Variants in ZFPM2 observed in about 807,000 individuals in gnomAD.
ZFPM2 encodes zinc finger protein ZFPM2.
ZFPM2 carries 20 observed loss-of-function variants against 98.6 expected under a neutral mutation model. That is an observed-to-expected ratio of 0.20 (90% CI 0.14 to 0.29). The LOEUF (loss-of-function observed/expected upper bound fraction) is 0.29. Among genes scored for constraint, ZFPM2 ranks in the 10% least tolerant of loss-of-function variants. The pLI is 1.00. For synonymous variants in ZFPM2, 518 were observed against 502.7 expected, an observed-to-expected ratio of 1.03 and a Z score of -0.41; for missense variants, 1,310 against 1,388.6, an observed-to-expected ratio of 0.94 and a Z score of 0.90.
At chr8:105,355,677 A>G (rs559194867) in intron 1 of ZFPM2, among the ~76,000 whole-genome samples, 10 of 152,298 alleles carry the variant, frequency 6.6e-5, no homozygotes, top group Non-Finnish European at 1.5e-4. Context: ...GGAAATGACA[A>G]GAGATTGCTC....
intron 3 of ZFPM2, among the ~76,000 whole-genome samples, chr8:105,457,417 C>T (rs1812613679): frequency 1.3e-5 from 2 of 152,178 alleles, no homozygotes; most frequent in African/African-American, 4.8e-5. Flanking sequence ...TGAAGAAGAA[C>T]TATGCAGTAG....
At chr8:105,656,181 C>G (rs1817281938) in intron 5 of ZFPM2, among the ~76,000 whole-genome samples, 1 of 151,980 alleles carries the variant, frequency 6.6e-6, no homozygotes, top group Non-Finnish European at 1.5e-5. Flanking sequence ...ATACACATAT[C>G]CCTCTTTGCC....
At chr8:105,390,089 T>C (rs2129927638) in intron 1 of ZFPM2, among the ~76,000 whole-genome samples, 1 of 152,300 alleles carries the variant, frequency 6.6e-6, no homozygotes, top group African/African-American at 2.4e-5. Flanking sequence ...CCTAAAGTAC[T>C]GTAATGTAAT....
chr8:105,799,096 T>G, intron 7 of ZFPM2, 148 bp downstream of exon 7: 1 of 693,520 alleles, frequency 1.4e-6, no homozygotes. Flanking sequence ...CAGTGTGATC[T>G]TATGCCACTT....
intron 3 of ZFPM2, among the ~76,000 whole-genome samples, chr8:105,472,181 A>G (rs1812917723): frequency 1.3e-5 from 2 of 152,198 alleles, no homozygotes; most frequent in Admixed American, 1.3e-4. Context: ...GCTTTCAAAG[A>G]ATCAAACTAA....
intron 3 of ZFPM2, among the ~76,000 whole-genome samples, chr8:105,499,400 G>T (rs899661195): frequency 1.3e-5 from 2 of 152,108 alleles, no homozygotes; most frequent in Non-Finnish European, 2.9e-5. Flanking sequence ...TGGAATGACT[G>T]ATAGTCACAT....
intron 5 of ZFPM2, among the ~76,000 whole-genome samples, chr8:105,717,718 T>TA (rs779391245): frequency 3.3e-5 from 5 of 151,924 alleles, no homozygotes; most frequent in Non-Finnish European, 7.4e-5. Flanking sequence ...GGAGCATAAT[T>TA]AAAAATATTA....
intron 2 of ZFPM2, among the ~76,000 whole-genome samples, chr8:105,442,177 CAA>C (rs34122458): frequency 1.9e-3 from 250 of 131,368 alleles, no homozygotes; most frequent in African/African-American, 6.1e-3. Context: ...ACTAAAAATA[CAA>C]AAAAAAAAAA....
At chr8:105,500,210 T>C (rs1813562625) in intron 3 of ZFPM2, among the ~76,000 whole-genome samples, 1 of 152,336 alleles carries the variant, frequency 6.6e-6, no homozygotes, top group East Asian at 1.9e-4. Flanking sequence ...TTGAACCCAA[T>C]ACATAGCATA....
At chr8:105,669,106 A>G (rs1334379355) in intron 5 of ZFPM2, among the ~76,000 whole-genome samples, 4 of 152,094 alleles carry the variant, frequency 2.6e-5, no homozygotes, top group Non-Finnish European at 5.9e-5. Flanking sequence ...GTTAGTATAT[A>G]TCTTATTCTT....
At chr8:105,622,290 C>T (rs116350669) in intron 4 of ZFPM2, among the ~76,000 whole-genome samples, 234 of 152,086 alleles carry the variant, frequency 1.5e-3, no homozygotes, top group African/African-American at 5.2e-3. Context: ...TTCCAACATA[C>T]GCATTGATGC....
chr8:105,479,412 G>A (rs1239125212), intron 3 of ZFPM2, among the ~76,000 whole-genome samples: 1 of 152,016 alleles, frequency 6.6e-6, no homozygotes, highest in East Asian at 1.9e-4. Flanking sequence ...TTTTTAAAAA[G>A]TCATGTTACT....
At position 105,419,238 on chromosome 8, in the gene ZFPM2, C is replaced by G. The variant is rs750797515; in HGVS notation, c.135C>G (p.Ser45Arg). 4 of 1,613,564 alleles carry G rather than the reference C, an allele frequency of 2.5e-6. No homozygotes were observed. Among genetic ancestry groups the G allele is most frequent in the Admixed American group, 3.3e-5 (2 of 59,994 alleles). ...AAGGAGACTTTCCATTGGAGGAAAG[C>G]TTTTCCACAGAATTTGGGCCTGAAA... Reference protein sequence around the residue: ...ISKGDFPLEESFSTEFGPENL... With the variant: ...ISKGDFPLEERFSTEFGPENL... Residue 45 changes from serine to arginine, a missense_variant, in exon 2 of 8, where the codon AGC becomes AGG. Physicochemically the swap from Ser to Arg is moderately radical, Grantham distance 110. Coordinates refer to ENST00000407775, the MANE Select transcript of ZFPM2 (RefSeq NM_012082.4).
chr8:105,570,509 G>A (rs1289157736), intron 4 of ZFPM2, among the ~76,000 whole-genome samples: 2 of 152,152 alleles, frequency 1.3e-5, no homozygotes, highest in Non-Finnish European at 2.9e-5. Flanking sequence ...GAAGGGATTT[G>A]CTGTGTTATA....
chr8:105,609,518 T>A (rs1816262648), intron 4 of ZFPM2, among the ~76,000 whole-genome samples: 1 of 152,182 alleles, frequency 6.6e-6, no homozygotes, highest in Non-Finnish European at 1.5e-5. Flanking sequence ...TTATACAAGT[T>A]AGTTTTCTAA....
At chr8:105,339,119 A>G (rs1282461585) in intron 1 of ZFPM2, among the ~76,000 whole-genome samples, 1 of 151,826 alleles carries the variant, frequency 6.6e-6, no homozygotes, top group Non-Finnish European at 1.5e-5. Flanking sequence ...ATTGTTTTGT[A>G]TTCTTTATTT....
intron 1 of ZFPM2, among the ~76,000 whole-genome samples, chr8:105,330,605 TATATAC>T (rs1392084995): frequency 6.1e-4 from 15 of 24,450 alleles, no homozygotes; most frequent in Admixed American, 1.8e-3. Flanking sequence ...CATATATATA[TATATAC>T]ACATATATAT....
chr8:105,438,266 G>C (rs1423619663), intron 2 of ZFPM2, among the ~76,000 whole-genome samples: 1 of 152,122 alleles, frequency 6.6e-6, no homozygotes, highest in Non-Finnish European at 1.5e-5. Context: ...CATCACACCA[G>C]CTTGCAGCTC....
At chr8:105,543,941 G>A (rs1814636193) in intron 3 of ZFPM2, among the ~76,000 whole-genome samples, 2 of 152,150 alleles carry the variant, frequency 1.3e-5, no homozygotes, top group Admixed American at 6.5e-5. Flanking sequence ...CTACAGTGCT[G>A]TAGATATTCT....
Sources: gnomAD v4.1 joint callset for allele counts (sites outside exome capture counted in the v4.1 genomes callset) on GRCh38, gnomAD v4.1.1 for gene constraint, MANE v1.5 for transcripts, NCBI Gene and HGNC (gene_info 2026-07-23, HGNC 2026-07-21) for gene names.